BBS9: variants seen among roughly 807,000 people sequenced by gnomAD.
BBS9 encodes protein PTHB1.
A neutral mutation model predicts 117.7 loss-of-function variants in BBS9; 89 were observed. The ratio of observed to expected loss-of-function variants is 0.76; its 90% CI spans 0.64 to 0.90. The LOEUF (loss-of-function observed/expected upper bound fraction) is 0.90. BBS9 is among the 40% of genes least tolerant of loss of function. BBS9 has a pLI of 0.00. For synonymous variants in BBS9, 379 were observed against 370.9 expected (o/e 1.02, Z -0.25); for missense variants, 982 against 1,042.2 (o/e 0.94, Z 0.80).
intron 5 of BBS9, among the ~76,000 whole-genome samples, chr7:33,244,030 A>G (rs776565314): frequency 1.3e-5 from 2 of 152,104 alleles, no homozygotes; most frequent in Non-Finnish European, 2.9e-5. Context: ...TTCAAGACCA[A>G]CCTGGCCAAC....
At chr7:33,400,985 A>G (rs1034603271) in intron 19 of BBS9, among the ~76,000 whole-genome samples, 1 of 152,218 alleles carries the variant, frequency 6.6e-6, no homozygotes, top group Non-Finnish European at 1.5e-5. Flanking sequence ...AGTAAGATCA[A>G]TACCTATCCA....
intron 21 of BBS9, among the ~76,000 whole-genome samples, chr7:33,600,715 C>T (rs557069965): frequency 6.6e-6 from 1 of 152,264 alleles, no homozygotes; most frequent in African/African-American, 2.4e-5. Flanking sequence ...AGCCTCAATG[C>T]CTGAGCCATC....
chr7:33,148,180 T>C (rs1792713771), intron 2 of BBS9, among the ~76,000 whole-genome samples: 1 of 152,156 alleles, frequency 6.6e-6, no homozygotes, highest in African/African-American at 2.4e-5. Context: ...TAGGAATGTC[T>C]AGTTTACAGA....
At chr7:33,416,255 G>A (rs760795995) in intron 19 of BBS9, among the ~76,000 whole-genome samples, 5 of 151,496 alleles carry the variant, frequency 3.3e-5, no homozygotes, top group Non-Finnish European at 5.9e-5. Context: ...TCCTCATGGT[G>A]AGAACAGGCT....
chr7:33,401,954 G>T (rs1181233676), intron 19 of BBS9, among the ~76,000 whole-genome samples: 5 of 152,154 alleles, frequency 3.3e-5, no homozygotes, highest in Non-Finnish European at 7.3e-5. Flanking sequence ...GCCAGAGTCA[G>T]GTTGGAAAGT....
At chr7:33,629,017 G>C (rs1305498680) in intron 21 of BBS9, among the ~76,000 whole-genome samples, 1 of 152,160 alleles carries the variant, frequency 6.6e-6, no homozygotes, top group Admixed American at 6.5e-5. Flanking sequence ...TAGTTAACCT[G>C]GGACAGGTAT....
At chr7:33,537,549 G>A (rs1851644843) in intron 21 of BBS9, among the ~76,000 whole-genome samples, 2 of 152,096 alleles carry the variant, frequency 1.3e-5, no homozygotes. Context: ...ATCTACTTTC[G>A]TTAAATATCT....
At chr7:33,348,626 A>C (rs1818040078) in intron 12 of BBS9, among the ~76,000 whole-genome samples, 1 of 152,194 alleles carries the variant, frequency 6.6e-6, no homozygotes, top group African/African-American at 2.4e-5. Flanking sequence ...TAACCTTTGA[A>C]GAAACTGCCA....
intron 14 of BBS9, 173 bp downstream of exon 14, chr7:33,351,496 A>G (rs1176784058): frequency 3.1e-6 from 2 of 652,490 alleles, no homozygotes; most frequent in African/African-American, 3.6e-5. Context: ...GTAGTTCGTG[A>G]TAAGGCTATT....
chr7:33,447,333 T>G (rs1255303810), intron 19 of BBS9, among the ~76,000 whole-genome samples: 1 of 152,190 alleles, frequency 6.6e-6, no homozygotes, highest in East Asian at 1.9e-4. Context: ...AAGAAATAGA[T>G]GTCAGAGGAA....
intron 20 of BBS9, among the ~76,000 whole-genome samples, chr7:33,514,331 G>A (rs1485388508): frequency 2.6e-5 from 4 of 152,138 alleles, no homozygotes; most frequent in Non-Finnish European, 5.9e-5. Flanking sequence ...TACTGAACCA[G>A]CAAACAAACA....
chr7:33,559,322 A>T (rs1398078050), intron 21 of BBS9, among the ~76,000 whole-genome samples: 2 of 152,136 alleles, frequency 1.3e-5, no homozygotes, highest in Non-Finnish European at 1.5e-5. Context: ...TTGACATTTT[A>T]TTTTTTAATT....
At chr7:33,596,039 G>A (rs1300723432) in intron 21 of BBS9, among the ~76,000 whole-genome samples, 2 of 152,006 alleles carry the variant, frequency 1.3e-5, no homozygotes, top group Non-Finnish European at 2.9e-5. Context: ...GAGGCAAGGG[G>A]AGGGAGAGCA....
chr7:33,377,037 G>T (rs78025634), intron 17 of BBS9, among the ~76,000 whole-genome samples: 1 of 152,120 alleles, frequency 6.6e-6, no homozygotes, highest in African/African-American at 2.4e-5. Context: ...CTGTGCAGAC[G>T]CTCTTTAGTT....
At chr7:33,262,092 T>C (rs1485245064) in intron 6 of BBS9, among the ~76,000 whole-genome samples, 2 of 152,182 alleles carry the variant, frequency 1.3e-5, no homozygotes, top group African/African-American at 4.8e-5. Context: ...TAGATGCTCT[T>C]GTAAGTTTGT....
chr7:33,472,196 A>C (rs542483418), intron 19 of BBS9, among the ~76,000 whole-genome samples: 2 of 152,230 alleles, frequency 1.3e-5, no homozygotes, highest in African/African-American at 4.8e-5. Flanking sequence ...TTATTTCTTC[A>C]GAGGCAATAG....
intron 5 of BBS9, among the ~76,000 whole-genome samples, chr7:33,234,318 A>AT (rs1190317488): frequency 6.6e-6 from 1 of 151,864 alleles, no homozygotes; most frequent in African/African-American, 2.4e-5. Context: ...GACTGCTATA[A>AT]TTTTTTCCCC....
At chr7:33,293,756 A>T (rs1804578070) in intron 9 of BBS9, among the ~76,000 whole-genome samples, 1 of 152,158 alleles carries the variant, frequency 6.6e-6, no homozygotes, top group South Asian at 2.1e-4. Context: ...AATCATAGAG[A>T]TTCCTATACT....
intron 19 of BBS9, among the ~76,000 whole-genome samples, chr7:33,497,656 T>A (rs1484321794): frequency 6.6e-6 from 1 of 152,182 alleles, no homozygotes; most frequent in Admixed American, 6.5e-5. Context: ...GGCAAAGTTG[T>A]ATGTCTGTGT....
Sources: gnomAD v4.1 joint callset for allele counts (sites outside exome capture counted in the v4.1 genomes callset) on GRCh38, gnomAD v4.1.1 for gene constraint, MANE v1.5 for transcripts, NCBI Gene and HGNC (gene_info 2026-07-23, HGNC 2026-07-21) for gene names.